CDH13: variants seen among roughly 807,000 people sequenced by gnomAD.
CDH13 encodes cadherin 13.
In CDH13, 24 loss-of-function variants were observed where a neutral mutation model predicts 63.8. The ratio of observed to expected loss-of-function variants is 0.38; its 90% CI spans 0.27 to 0.53. The LOEUF is 0.53. Among genes scored for constraint, CDH13 ranks in the 20% least tolerant of loss-of-function variants. The pLI is 0.85. For missense variants in CDH13, 1,049 were observed against 903.1 expected (o/e 1.16, Z -2.07); for synonymous variants, 503 against 355.3 (o/e 1.42, Z -4.67).
chr16:83,580,409 A>T (rs998242602), intron 7 of CDH13, among the ~76,000 whole-genome samples: 1 of 150,848 alleles, frequency 6.6e-6, no homozygotes, highest in African/African-American at 2.4e-5. Flanking sequence ...AGACTCTAAG[A>T]TCAAGGTAAC....
intron 6 of CDH13, among the ~76,000 whole-genome samples, chr16:83,486,141 T>TAAAAAAAAGAAA (rs138896605): frequency 7.2e-4 from 109 of 150,820 alleles, no homozygotes; most frequent in Middle Eastern, 3.4e-3. Flanking sequence ...AGACTCTGTC[T>TAAAAAAAAGAAA]AAAAAAATGA....
intron 5 of CDH13, among the ~76,000 whole-genome samples, chr16:83,315,909 C>G (rs968984985): frequency 4.6e-5 from 7 of 152,108 alleles, no homozygotes; most frequent in Non-Finnish European, 8.8e-5. Flanking sequence ...TATATTGAAA[C>G]ACATTGTATT....
At chr16:83,627,797 C>T (rs1187978776) in intron 8 of CDH13, among the ~76,000 whole-genome samples, 1 of 152,166 alleles carries the variant, frequency 6.6e-6, no homozygotes, top group Non-Finnish European at 1.5e-5. Context: ...AAAGTGAAAG[C>T]AAGTTTTTTG....
In CDH13 at chr16:83,532,612, C is replaced by G. The variant is rs1164028004; in HGVS notation, c.960+45957C>G. ...ATGAATAAATGGCTGCTTGTCTCCT[C>G]AAGTAGCCTATCAGCTCCACATTCG... On this transcript the variant is annotated intron_variant, in intron 7 of 13. Transcript: ENST00000567109. Among the ~76,000 whole-genome samples, 3 of 152,256 alleles carry G rather than the reference C, an allele frequency of 2.0e-5. No individual in the cohort carries two copies. The East Asian group carries it at 5.8e-4, about 29-fold the overall frequency.
chr16:83,110,500 C>T (rs1230746433), intron 3 of CDH13, among the ~76,000 whole-genome samples: 1 of 152,136 alleles, frequency 6.6e-6, no homozygotes, highest in East Asian at 1.9e-4. Flanking sequence ...AGGGCTTTTA[C>T]TGGGCTGGCG....
In CDH13 at chr16:83,047,573, A is replaced by G. The variant is rs1917915488; in HGVS notation, c.366+15355A>G. Among the ~76,000 whole-genome samples the G allele has an allele frequency of 6.6e-6, 1 of 152,242 alleles. No homozygotes were observed. ...GAATTTTTAAAATACAAACAGAAAA[A>G]AAGCTCCCTGTATTTTCCCAAATTC... On this transcript the variant is annotated intron_variant, in intron 3 of 13. Coordinates refer to ENST00000567109, the MANE Select transcript of CDH13 (RefSeq NM_001257.5). The surrounding 1 kb of genome is among the most constrained non-coding windows in gnomAD (Gnocchi z 4.9).
chr16:83,366,495 A>G (rs2091259806), intron 6 of CDH13, among the ~76,000 whole-genome samples: 1 of 152,178 alleles, frequency 6.6e-6, no homozygotes, highest in Non-Finnish European at 1.5e-5. Context: ...TCGCTTTCCC[A>G]GAGTAGACAT....
Position 83,664,524 on chromosome 16 carries a change from TTTATA to T in CDH13, c.1102-6258_1102-6254del, listed in dbSNP as rs1370881019. ...ATATTTTATATAATTAGTTTTTATT[TTTATA>T]TTATATTTCATATTATATATGTGTG... On this transcript the variant is annotated intron_variant, in intron 8 of 13. Coordinates refer to ENST00000567109, the MANE Select transcript of CDH13 (RefSeq NM_001257.5). Among the ~76,000 whole-genome samples, 6 of 148,674 alleles carry T rather than the reference TTTATA, an allele frequency of 4.0e-5. No individual in the cohort carries two copies. In the South Asian group the frequency reaches 6.3e-4, roughly 16 times the overall value.
intron 2 of CDH13, among the ~76,000 whole-genome samples, chr16:82,944,618 A>G (rs1904490218): frequency 6.6e-6 from 1 of 152,128 alleles, no homozygotes; most frequent in African/African-American, 2.4e-5. Context: ...CCTACAATAT[A>G]CAGGACTGCC....
intron 8 of CDH13, among the ~76,000 whole-genome samples, chr16:83,633,825 A>C (rs1910997071): frequency 6.6e-6 from 1 of 152,176 alleles, no homozygotes; most frequent in Non-Finnish European, 1.5e-5. Flanking sequence ...ATCATAAACA[A>C]GGTATCCCCC....
At chr16:83,352,895 A>C (rs1259837547) in intron 6 of CDH13, among the ~76,000 whole-genome samples, 1 of 152,216 alleles carries the variant, frequency 6.6e-6, no homozygotes, top group Non-Finnish European at 1.5e-5. Flanking sequence ...GTCTCAAAAA[A>C]ATAAATAAAT....
chr16:82,791,237 C>CAAA (rs3046482), intron 1 of CDH13, among the ~76,000 whole-genome samples: 2 of 103,414 alleles, frequency 1.9e-5, no homozygotes, highest in Admixed American at 1.0e-4. Context: ...ACTCCGTCTC[C>CAAA]AAAAAAAAAA....
chr16:83,037,580 G>A (rs866704815), intron 3 of CDH13, among the ~76,000 whole-genome samples: 20 of 152,178 alleles, frequency 1.3e-4, no homozygotes, highest in Admixed American at 7.2e-4. Context: ...GGACCAGTCA[G>A]GAAAGAAATG....
intron 3 of CDH13, among the ~76,000 whole-genome samples, chr16:83,064,279 A>G (rs2031822312): frequency 6.6e-6 from 1 of 152,064 alleles, no homozygotes; most frequent in Non-Finnish European, 1.5e-5. Flanking sequence ...TGAGATAGGA[A>G]AATCGCTTGA....
At chr16:82,653,244 T>G (rs556769372) in intron 1 of CDH13, among the ~76,000 whole-genome samples, 1 of 152,306 alleles carries the variant, frequency 6.6e-6, no homozygotes, top group Admixed American at 6.5e-5. Context: ...TCTCCTTGAT[T>G]TTAGTGCCAG....
intron 2 of CDH13, among the ~76,000 whole-genome samples, chr16:82,952,398 C>A (rs181767688): frequency 2.6e-5 from 4 of 152,258 alleles, no homozygotes; most frequent in Admixed American, 2.0e-4. Context: ...ACCATAGTCC[C>A]TGGTTAATAG....
At chr16:83,109,853 A>G (rs982528944) in intron 3 of CDH13, among the ~76,000 whole-genome samples, 5 of 152,216 alleles carry the variant, frequency 3.3e-5, no homozygotes, top group African/African-American at 9.6e-5. Context: ...GCTTCCGACT[A>G]AAGAATCTAA....
intron 8 of CDH13, among the ~76,000 whole-genome samples, chr16:83,668,196 C>T (rs972763925): frequency 1.3e-5 from 2 of 152,160 alleles, no homozygotes; most frequent in Non-Finnish European, 2.9e-5. Flanking sequence ...TTCCCTCAGG[C>T]CTCACCTCTG....
intron 7 of CDH13, among the ~76,000 whole-genome samples, chr16:83,546,190 A>G (rs1461642911): frequency 2.0e-5 from 3 of 152,104 alleles, no homozygotes; most frequent in African/African-American, 7.2e-5. Context: ...CCATCCTCCA[A>G]GTGTAGAGCG....
Sources: gnomAD v4.1 joint callset for allele counts (sites outside exome capture counted in the v4.1 genomes callset) on GRCh38, gnomAD v4.1.1 for gene constraint, Gnocchi (gnomAD v3.1) non-coding constraint, MANE v1.5 for transcripts, NCBI Gene and HGNC (gene_info 2026-07-23, HGNC 2026-07-21) for gene names.